The following CLVS1 variants were observed in gnomAD, a reference collection of about 807,000 sequenced individuals.
CLVS1 encodes the protein clavesin 1.
CLVS1 carries 10 observed loss-of-function variants against 33.1 expected under a neutral mutation model. That is an observed-to-expected ratio of 0.30 (90% CI 0.19 to 0.51). The LOEUF (loss-of-function observed/expected upper bound fraction) is 0.51, where lower values mean the gene tolerates loss of function less well. Among genes scored for constraint, CLVS1 ranks in the 20% least tolerant of loss-of-function variants. The pLI, the probability that CLVS1 is intolerant of heterozygous loss-of-function variation, is 0.97. For missense variants in CLVS1, 343 were observed against 433.4 expected, an observed-to-expected ratio of 0.79 and a Z score of 1.85; for synonymous variants, 163 against 166.1, an observed-to-expected ratio of 0.98 and a Z score of 0.14.
At chr8:61,068,718 G>A (rs923438719) in intron 1 of CLVS1, among the ~76,000 whole-genome samples, 1 of 152,136 alleles carries the variant, frequency 6.6e-6, no homozygotes, top group South Asian at 2.1e-4. Context: ...CCAGCCAGGG[G>A]AGATAAGGTG....
At chr8:61,281,089 A>G (rs1809662581) in intron 2 of CLVS1, among the ~76,000 whole-genome samples, 1 of 152,226 alleles carries the variant, frequency 6.6e-6, no homozygotes, top group African/African-American at 2.4e-5. Context: ...CTACATAGTT[A>G]TCCTTTGAGC....
intron 1 of CLVS1, among the ~76,000 whole-genome samples, chr8:61,084,945 A>G (rs1723939977): frequency 6.6e-6 from 1 of 152,262 alleles, no homozygotes; most frequent in African/African-American, 2.4e-5. Context: ...AAAGTCATAG[A>G]TATCTTGTTT....
intron 5 of CLVS1, among the ~76,000 whole-genome samples, chr8:61,495,102 A>G (rs1352112382): frequency 6.6e-6 from 1 of 152,238 alleles, no homozygotes; most frequent in Non-Finnish European, 1.5e-5. Context: ...GAAATCATGT[A>G]GATCCCAATT....
At chr8:61,052,576 G>A (rs1432383500), upstream of CLVS1, among the ~76,000 whole-genome samples, 1 of 151,474 alleles carries the variant, frequency 6.6e-6, no homozygotes, top group Non-Finnish European at 1.5e-5. Context: ...TATAGGCAGA[G>A]GGAATGGCAC....
intron 2 of CLVS1, among the ~76,000 whole-genome samples, chr8:61,331,400 A>C (rs1000374591): frequency 2.0e-5 from 3 of 151,858 alleles, no homozygotes; most frequent in Non-Finnish European, 4.4e-5. Context: ...ATGTTCTTTC[A>C]TCCAAAGGAC....
chr8:61,480,114 AGACGGG>A (rs1212205388), intron 5 of CLVS1, among the ~76,000 whole-genome samples: 1 of 152,272 alleles, frequency 6.6e-6, no homozygotes, highest in Non-Finnish European at 1.5e-5. Context: ...CAAAGCTGTC[AGACGGG>A]GACATTTGAG....
At chr8:61,479,863 G>C (rs1055080586) in intron 5 of CLVS1, among the ~76,000 whole-genome samples, 3 of 152,232 alleles carry the variant, frequency 2.0e-5, no homozygotes, top group Non-Finnish European at 2.9e-5. Context: ...GACCCTGTTT[G>C]CCTGGGTATC....
intron 2 of CLVS1, among the ~76,000 whole-genome samples, chr8:61,171,549 G>T (rs1406050240): frequency 1.3e-5 from 2 of 152,130 alleles, no homozygotes; most frequent in Non-Finnish European, 2.9e-5. Flanking sequence ...GGGTCTCTTT[G>T]TTCACTCCAA....
intron 5 of CLVS1, among the ~76,000 whole-genome samples, chr8:61,481,732 A>C (rs1353062168): frequency 6.6e-6 from 1 of 152,212 alleles, no homozygotes; most frequent in African/African-American, 2.4e-5. Flanking sequence ...ACCGCAGCTC[A>C]AGGAAGCCTG....
chr8:61,321,077 T>C (rs965954262), intron 2 of CLVS1, among the ~76,000 whole-genome samples: 3 of 152,216 alleles, frequency 2.0e-5, no homozygotes, highest in Non-Finnish European at 2.9e-5. Context: ...ACTTATTCAT[T>C]TTTCTGCTCA....
At chr8:61,006,228 A>ATT in the CLVS1 span, among the ~76,000 whole-genome samples, 4 of 152,226 alleles carry the variant, frequency 2.6e-5, no homozygotes, top group Non-Finnish European at 5.9e-5. Flanking sequence ...CAGAAGGGTA[A>ATT]TGGCCAGAAG....
At chr8:61,171,991 G>A (rs560214290) in intron 2 of CLVS1, among the ~76,000 whole-genome samples, 4 of 152,254 alleles carry the variant, frequency 2.6e-5, no homozygotes, top group Non-Finnish European at 4.4e-5. Flanking sequence ...TGACAAAAGC[G>A]AATCCTCAGA....
chr8:61,351,462 G>T (rs1812458946), intron 2 of CLVS1, among the ~76,000 whole-genome samples: 1 of 152,002 alleles, frequency 6.6e-6, no homozygotes, highest in South Asian at 2.1e-4. Context: ...AATGTCATAA[G>T]ATCCAATATT....
At chr8:61,146,089 G>A (rs1334123692) in intron 2 of CLVS1, among the ~76,000 whole-genome samples, 1 of 152,074 alleles carries the variant, frequency 6.6e-6, no homozygotes, top group African/African-American at 2.4e-5. Flanking sequence ...GCCCTCTTTG[G>A]TTGTTTGTAT....
chr8:61,079,586 G>T lies in CLVS1; in HGVS notation c.-243+22356G>T, dbSNP rs60658037. ...GCTGCCTGGTCCTCCCAAGTCAAAT[G>T]AATCTCAATTACCTGTGACTTTCAG... On this transcript the variant is annotated intron_variant, in intron 1 of 2. Transcript: ENST00000522621. Among the ~76,000 whole-genome samples, 623 of 152,282 alleles carry T rather than the reference G, an allele frequency of 4.1e-3. 2 individuals are homozygous for T. Among genetic ancestry groups the T allele is most frequent in the African/African-American group, 0.014 (594 of 41,554 alleles).
chr8:61,308,402 C>G (rs1810707656), intron 2 of CLVS1, among the ~76,000 whole-genome samples: 2 of 152,202 alleles, frequency 1.3e-5, no homozygotes, highest in South Asian at 4.2e-4. Flanking sequence ...TTCAAAATAT[C>G]CATGGAGCTT....
intron 1 of CLVS1, among the ~76,000 whole-genome samples, chr8:61,108,982 A>C (rs1244565644): frequency 6.6e-6 from 1 of 152,212 alleles, no homozygotes; most frequent in Admixed American, 6.5e-5. Context: ...ATGGAGGGAA[A>C]GGGGTGAGGA....
chr8:61,463,603 A>C (rs1012790570), intron 5 of CLVS1, among the ~76,000 whole-genome samples: 4 of 152,202 alleles, frequency 2.6e-5, no homozygotes, highest in Non-Finnish European at 5.9e-5. Context: ...CCCAAGAAGA[A>C]GGAGAAAAAT....
intron 2 of CLVS1, among the ~76,000 whole-genome samples, chr8:61,311,530 A>G (rs1346193146): frequency 6.6e-6 from 1 of 152,156 alleles, no homozygotes; most frequent in Non-Finnish European, 1.5e-5. Flanking sequence ...AACAGTGTAC[A>G]TCCCTGCGTG....
Sources: gnomAD v4.1 joint callset for allele counts (sites outside exome capture counted in the v4.1 genomes callset) on GRCh38, gnomAD v4.1.1 for gene constraint, MANE v1.5 for transcripts, NCBI Gene and HGNC (gene_info 2026-07-23, HGNC 2026-07-21) for gene names.